The following KCNQ1 variants were observed in gnomAD, a reference collection of about 807,000 sequenced individuals.
KCNQ1 encodes the protein potassium voltage-gated channel subfamily KQT member 1.
Under a neutral mutation model 72.4 loss-of-function variants are expected in KCNQ1, and 49 were observed. The observed-to-expected ratio is 0.68, with a 90% CI of 0.54 to 0.86. The LOEUF is 0.86. Among genes scored for constraint, KCNQ1 ranks in the 40% least tolerant of loss-of-function variants. The probability of loss-of-function intolerance (pLI) is 0.00; values close to 1 mark genes in which losing one functional copy is unlikely to be tolerated. For synonymous variants in KCNQ1, 450 were observed against 412.6 expected (o/e 1.09, Z -1.10); for missense variants, 790 against 945.1 (o/e 0.84, Z 2.15).
intron 11 of KCNQ1, chr11:2,681,264 G>A (rs1193299464): frequency 2.5e-6 from 1 of 398,390 alleles, no homozygotes; most frequent in East Asian, 3.6e-5. Flanking sequence ...CCAGGAGAGA[G>A]CTTCACTTTC....
chr11:2,762,778 A>G lies in KCNQ1; in HGVS notation c.1515-6066A>G, dbSNP rs1846425604. On this transcript the variant is annotated intron_variant, in intron 11 of 15. Coordinates refer to ENST00000155840, the MANE Select transcript of KCNQ1 (RefSeq NM_000218.3). The surrounding 1 kb of genome is among the most constrained non-coding windows in gnomAD (Gnocchi z 4.3). ...CTAATGCCTGCTGGTCTGAACTGGA[A>G]CAGTTTCATCCTGAAACCATCTCCC... Among the ~76,000 whole-genome samples the G allele has an allele frequency of 1.3e-5, 2 of 152,228 alleles. No homozygotes were observed. The highest frequency in any genetic ancestry group is 6.5e-5 in the Admixed American group (1 of 15,288).
intron 1 of KCNQ1, among the ~76,000 whole-genome samples, chr11:2,520,108 G>A (rs1342499446): frequency 1.3e-5 from 2 of 152,248 alleles, no homozygotes; most frequent in Admixed American, 1.3e-4. Flanking sequence ...ATGGCACCAA[G>A]TGGTGGCGCT....
chr11:2,670,543 T>C lies in KCNQ1; in HGVS notation c.1514+8462T>C. 3 of 397,556 alleles carry C rather than the reference T, an allele frequency of 7.5e-6. No individual in the cohort carries two copies. The highest frequency in any genetic ancestry group is 1.3e-5 in the Non-Finnish European group (3 of 225,852). The allele number at this position is 397,556 out of a possible 1,614,324, so 24.6% of individuals were successfully genotyped here. On this transcript the variant is annotated intron_variant, in intron 11 of 15. Coordinates refer to ENST00000155840, the MANE Select transcript of KCNQ1 (RefSeq NM_000218.3). This position sits in a 1 kb window ranked among gnomAD's most constrained non-coding sequence, Gnocchi z 4.9. Reference sequence around the variant, plus strand: ...GGGGAAATTGAAGCCTCAAGAAGGATAGGGACTTGCCAGTATCACTGGGAG... The same window carrying C: ...GGGGAAATTGAAGCCTCAAGAAGGACAGGGACTTGCCAGTATCACTGGGAG...
chr11:2,683,782 C>G lies in KCNQ1; in HGVS notation c.1514+21701C>G. The G allele has an allele frequency of 2.5e-6, 1 of 398,598 alleles. No homozygotes were observed. The highest frequency in any genetic ancestry group is 3.6e-5 in the East Asian group (1 of 28,072). The allele number at this position is 398,598 out of a possible 1,614,324, so 24.7% of individuals were successfully genotyped here. A position where few individuals can be genotyped will look rare whatever the true frequency, so the allele number is the denominator to read the frequency against. On this transcript the variant is annotated intron_variant, in intron 11 of 15. Coordinates refer to ENST00000155840, the MANE Select transcript of KCNQ1 (RefSeq NM_000218.3). The surrounding 1 kb of genome is among the most constrained non-coding windows in gnomAD (Gnocchi z 4.7). Reference sequence around the variant, plus strand: ...ACATGGGCCTCTAAGGCTGGCTGCTCTTACTCTATACCCCAAAATCCCAGC... The same window carrying G: ...ACATGGGCCTCTAAGGCTGGCTGCTGTTACTCTATACCCCAAAATCCCAGC...
intron 11 of KCNQ1, chr11:2,697,899 A>T (rs2133900104): frequency 2.5e-6 from 1 of 398,672 alleles, no homozygotes; most frequent in South Asian, 1.3e-4. Flanking sequence ...TGGAGCATAA[A>T]TCCTGAAACA....
Position 2,827,899 on chromosome 11 carries a change from C to T in KCNQ1, c.1795-19868C>T, listed in dbSNP as rs1405110330. ...TTGGGGTGTGTCGAATTCAAGATGC[C>T]TCTGAGACATGGAAGTGGTGAGGTC... is the stretch of plus-strand genomic sequence containing the variant. On this transcript the variant is annotated intron_variant, in intron 15 of 15. Coordinates refer to ENST00000155840, the MANE Select transcript of KCNQ1 (RefSeq NM_000218.3). The surrounding 1 kb of genome is among the most constrained non-coding windows in gnomAD (Gnocchi z 6.7). Among the ~76,000 whole-genome samples, 2 of 152,192 alleles carry T rather than the reference C, an allele frequency of 1.3e-5. No homozygotes were observed. Among genetic ancestry groups the T allele is most frequent in the African/African-American group, 2.4e-5 (1 of 41,450 alleles).
rs145463113 is a variant in KCNQ1, at chr11:2,515,118, T to C, written c.387-12810T>C. ...GGGGTTTGGGCTTCTCGTGCGCCCA[T>C]CAGCCGGATATTGGACGTTATACTC... On this transcript the variant is annotated intron_variant, in intron 1 of 15. Coordinates refer to ENST00000155840, the MANE Select transcript of KCNQ1 (RefSeq NM_000218.3). The surrounding 1 kb of genome is among the most constrained non-coding windows in gnomAD (Gnocchi z 4.7). 5.9e-5 allele frequency among the ~76,000 whole-genome samples: 9 copies of C among 152,330 alleles called. No homozygotes were observed. The highest frequency in any genetic ancestry group is 1.2e-4 in the Non-Finnish European group (8 of 68,030).
At chr11:2,666,572 G>A (rs2133862777) in intron 11 of KCNQ1, 1 of 398,666 alleles carries the variant, frequency 2.5e-6, no homozygotes, top group Non-Finnish European at 4.4e-6. Flanking sequence ...TTGTCAGCAA[G>A]GACAGGGCCA....
rs546599910 is a variant in KCNQ1 at position 2,449,908 on chromosome 11, C to A, written c.386+4424C>A. Among the ~76,000 whole-genome samples the A allele has an allele frequency of 2.0e-5, 3 of 152,226 alleles. No homozygotes were observed. The East Asian group carries it at 5.8e-4, about 29-fold the overall frequency. On this transcript the variant is annotated intron_variant, in intron 1 of 15. Transcript: ENST00000155840. ...AGTCCTAGGGATGCTGTTAACAGGG[C>A]AGCGGGTCCAGGGAGCTGGTCCTGA...
chr11:2,733,143 C>T (rs971129674), intron 11 of KCNQ1, among the ~76,000 whole-genome samples: 2 of 152,272 alleles, frequency 1.3e-5, no homozygotes, highest in East Asian at 1.9e-4. Flanking sequence ...TCCCTCAGAA[C>T]GGCTCTGGCC....
At chr11:2,821,202 C>G (rs12281827) in intron 15 of KCNQ1, among the ~76,000 whole-genome samples, 4 of 152,198 alleles carry the variant, frequency 2.6e-5, no homozygotes, top group Admixed American at 6.5e-5. Flanking sequence ...GGGCGGACAC[C>G]GAAGCCTGGT....
chr11:2,629,564 C>T (rs1393977871), intron 10 of KCNQ1: 1 of 398,344 alleles, frequency 2.5e-6, no homozygotes, highest in African/African-American at 2.1e-5. Context: ...TCCAGTTTTC[C>T]TGGCACCATT....
rs1394908459 is a variant in KCNQ1, at chr11:2,690,661, C to T, written c.1514+28580C>T. The T allele has an allele frequency of 1.8e-5, 7 of 398,500 alleles. No individual in the cohort carries two copies. The highest frequency in any genetic ancestry group is 2.7e-5 in the Non-Finnish European group (6 of 226,092). 24.7% of individuals were successfully genotyped at this position (398,500 alleles called of 1,614,324 possible). On this transcript the variant is annotated intron_variant, in intron 11 of 15. Coordinates refer to ENST00000155840, the MANE Select transcript of KCNQ1 (RefSeq NM_000218.3). The surrounding 1 kb of genome is among the most constrained non-coding windows in gnomAD (Gnocchi z 5.1). ...TGCGTATTTGTCAGTGTATGTGTGT[C>T]AGTGCACATAGGTATAGGGGCTGTC...
rs1487699335 is a variant in KCNQ1, at chr11:2,537,185, C to G, written c.477+9167C>G. On this transcript the variant is annotated intron_variant, in intron 2 of 15. Coordinates refer to ENST00000155840, the MANE Select transcript of KCNQ1 (RefSeq NM_000218.3). This position sits in a 1 kb window ranked among gnomAD's most constrained non-coding sequence, Gnocchi z 5.2. The stretch of plus-strand genomic sequence containing the variant: ...AAACCATGGCCCACAGGGTGGCTCC[C>G]TGTGTGTGTAAATAAAGCTTTATTA... Among the ~76,000 whole-genome samples the G allele has an allele frequency of 1.3e-5, 2 of 151,956 alleles. No individual in the cohort carries two copies. The highest frequency in any genetic ancestry group is 2.1e-4 in the South Asian group (1 of 4,832).
At position 2,599,139 on chromosome 11, in the gene KCNQ1, T is replaced by C. The variant is rs1442458848; in HGVS notation, c.1393+10285T>C. On this transcript the variant is annotated intron_variant, in intron 10 of 15. Coordinates refer to ENST00000155840, the MANE Select transcript of KCNQ1 (RefSeq NM_000218.3). This position sits in a 1 kb window ranked among gnomAD's most constrained non-coding sequence, Gnocchi z 4.7. ...GGGCTCCCCTCCTCTCTGTTACCTA[T>C]GTTGATAATCTAGGATTTGTTGTCT... Among the ~76,000 whole-genome samples the C allele has an allele frequency of 6.6e-6, 1 of 152,238 alleles. No homozygotes were observed. Among genetic ancestry groups the C allele is most frequent in the Non-Finnish European group, 1.5e-5 (1 of 68,042 alleles).
chr11:2,560,102 C>T (rs961310155), intron 2 of KCNQ1, among the ~76,000 whole-genome samples: 9 of 103,872 alleles, frequency 8.7e-5, no homozygotes, highest in African/African-American at 1.2e-4. Flanking sequence ...CCGTGACATC[C>T]GGTCAGGAGG....
intron 11 of KCNQ1, chr11:2,692,592 A>G (rs1175856900): frequency 1.5e-5 from 6 of 398,596 alleles, no homozygotes; most frequent in Non-Finnish European, 2.7e-5. Flanking sequence ...ACCCCAGGCT[A>G]GTTCCAGTGG....
intron 15 of KCNQ1, among the ~76,000 whole-genome samples, chr11:2,805,468 C>T (rs937946116): frequency 1.3e-5 from 2 of 152,234 alleles, no homozygotes; most frequent in African/African-American, 4.8e-5. Context: ...TCTGAAGGTC[C>T]TCACTGCACT....
intron 2 of KCNQ1, among the ~76,000 whole-genome samples, chr11:2,529,330 G>C (rs559827964): frequency 6.6e-6 from 1 of 152,100 alleles, no homozygotes; most frequent in South Asian, 2.1e-4. Context: ...TTTTTCGGGG[G>C]TTTCCTGGTG....
Sources: allele counts gnomAD v4.1 joint callset (sites outside exome capture counted in the v4.1 genomes callset), GRCh38; gene constraint gnomAD v4.1.1; non-coding constraint Gnocchi (gnomAD v3.1); transcripts MANE v1.5; gene names NCBI Gene and HGNC (gene_info 2026-07-23, HGNC 2026-07-21).